Variants in SNX29 observed in about 807,000 individuals in gnomAD.
SNX29 encodes the protein sorting nexin-29.
In SNX29, 78 loss-of-function variants were observed where a neutral mutation model predicts 102.1. The observed-to-expected ratio is 0.76, with a 90% CI of 0.64 to 0.92. The LOEUF is 0.92. Among genes scored for constraint, SNX29 ranks in the 40% least tolerant of loss-of-function variants. The pLI is 0.00. For synonymous variants in SNX29, 580 were observed against 414.5 expected (o/e 1.40, Z -4.85); for missense variants, 1,280 against 1,061.7 (o/e 1.21, Z -2.86).
chr16:12,496,403 T>C (rs529158407), intron 19 of SNX29, among the ~76,000 whole-genome samples: 96 of 152,106 alleles, frequency 6.3e-4, no homozygotes, highest in African/African-American at 2.2e-3. Context: ...GCTTCCTCGT[T>C]GCAACCATTG....
chr16:12,284,259 C>T (rs1422455255), intron 15 of SNX29, among the ~76,000 whole-genome samples: 1 of 152,234 alleles, frequency 6.6e-6, no homozygotes, highest in African/African-American at 2.4e-5. Context: ...CCACTTACTG[C>T]CGTATGTTCC....
Position 12,027,059 on chromosome 16 carries a change from C to T in SNX29, c.123-261C>T, listed in dbSNP as rs146518393. ...GGCACCCGTCCCTGTTCCCATGTTC[C>T]TTGTGAATTGTTACTGTGCCAGTCT... is the stretch of plus-strand genomic sequence containing the variant. On this transcript the variant is annotated intron_variant, in intron 3 of 20. Coordinates refer to ENST00000566228, the MANE Select transcript of SNX29 (RefSeq NM_032167.5). 2.9e-3 allele frequency among the ~76,000 whole-genome samples: 445 copies of T among 152,296 alleles called. 2 individuals are homozygous for T. Among genetic ancestry groups the T allele is most frequent in the African/African-American group, 0.01 (423 of 41,554 alleles).
intron 16 of SNX29, among the ~76,000 whole-genome samples, chr16:12,396,453 A>T (rs2083725517): frequency 6.6e-6 from 1 of 152,094 alleles, no homozygotes; most frequent in Non-Finnish European, 1.5e-5. Context: ...TGGTGTCCTG[A>T]TGGCTTGTGA....
rs147159393 is a variant in SNX29, at chr16:12,328,358, A to G, written c.1783-27805A>G. ...TGAAAAGTGATGCATTTGTGGTTTC[A>G]TGTATCTTAGAAGTAAAGAAAATTC... On this transcript the variant is annotated intron_variant, in intron 15 of 20. Transcript: ENST00000566228. Among the ~76,000 whole-genome samples, 402 of 152,294 alleles carry G rather than the reference A, an allele frequency of 2.6e-3. 2 individuals carry two copies. The highest frequency in any genetic ancestry group is 9.1e-3 in the African/African-American group (377 of 41,558).
At chr16:12,446,297 C>T (rs1272267569) in intron 18 of SNX29, among the ~76,000 whole-genome samples, 1 of 152,158 alleles carries the variant, frequency 6.6e-6, no homozygotes, top group Non-Finnish European at 1.5e-5. Flanking sequence ...CTCAAGTGAT[C>T]CACCCGCCTT....
intron 15 of SNX29, among the ~76,000 whole-genome samples, chr16:12,312,453 C>T (rs977290273): frequency 6.6e-6 from 1 of 152,154 alleles, no homozygotes; most frequent in African/African-American, 2.4e-5. Context: ...TGAGAAAACC[C>T]TGTTCGTCTG....
At chr16:12,170,788 T>TGAGAGC (rs2076132089) in intron 13 of SNX29, among the ~76,000 whole-genome samples, 1 of 147,086 alleles carries the variant, frequency 6.8e-6, no homozygotes, top group African/African-American at 2.6e-5. Flanking sequence ...TGTGTGAGAG[T>TGAGAGC]GAGAGCACGT....
At chr16:12,396,799 A>T (rs1567521006) in intron 16 of SNX29, among the ~76,000 whole-genome samples, 1 of 152,208 alleles carries the variant, frequency 6.6e-6, no homozygotes, top group African/African-American at 2.4e-5. Flanking sequence ...TAGTAATGTG[A>T]TACACACTTA....
intron 4 of SNX29, among the ~76,000 whole-genome samples, chr16:12,041,775 T>G (rs2049888742): frequency 6.6e-6 from 1 of 152,204 alleles, no homozygotes; most frequent in African/African-American, 2.4e-5. Flanking sequence ...CCTCCCAATT[T>G]CCAGATCCTA....
At chr16:12,248,985 T>G (rs1173223349) in intron 14 of SNX29, among the ~76,000 whole-genome samples, 1 of 152,162 alleles carries the variant, frequency 6.6e-6, no homozygotes, top group Non-Finnish European at 1.5e-5. Flanking sequence ...GGAAGTGCGG[T>G]GCTGGGTCCA....
At chr16:12,261,693 G>C (rs1187423693) in intron 14 of SNX29, among the ~76,000 whole-genome samples, 2 of 114,784 alleles carry the variant, frequency 1.7e-5, no homozygotes, top group Non-Finnish European at 1.7e-5. Context: ...GTGAGTGTTT[G>C]CTGAGCTCGG....
intron 20 of SNX29, among the ~76,000 whole-genome samples, chr16:12,554,246 A>ATCG (rs2078179445): frequency 2.0e-5 from 3 of 152,242 alleles, no homozygotes. Context: ...CCTCGGCTGC[A>ATCG]TCGTCTCTGC....
chr16:12,438,699 C>T (rs1204454394), intron 18 of SNX29, among the ~76,000 whole-genome samples: 1 of 152,206 alleles, frequency 6.6e-6, no homozygotes. Context: ...TGACCATAAT[C>T]ATGAATGAAC....
chr16:12,331,666 C>G (rs1232400202), intron 15 of SNX29, among the ~76,000 whole-genome samples: 1 of 152,112 alleles, frequency 6.6e-6, no homozygotes, highest in Admixed American at 6.6e-5. Context: ...AATCTCCTGC[C>G]TCAGTCTCTG....
chr16:12,020,644 GA>G (rs1248098451), intron 3 of SNX29, among the ~76,000 whole-genome samples: 1 of 144,912 alleles, frequency 6.9e-6, no homozygotes, highest in Non-Finnish European at 1.5e-5. Flanking sequence ...TTTTTTTTGA[GA>G]TGGAGTCTCG....
At position 12,512,812 on chromosome 16, in the gene SNX29, C is replaced by T. The variant is rs368969045; in HGVS notation, c.2179-11890C>T. On this transcript the variant is annotated intron_variant, in intron 19 of 20. Transcript: ENST00000566228. ...GTCTGCTTAGATGGAGAACTGAATC[C>T]GATCCCATGGACTCAATCAATGCCT... Among the ~76,000 whole-genome samples, 10 of 152,276 alleles carry T rather than the reference C, an allele frequency of 6.6e-5. 1 individual carries two copies. The South Asian group carries it at 8.3e-4, about 13-fold the overall frequency.
chr16:12,394,455 C>G (rs2083647642), intron 16 of SNX29, among the ~76,000 whole-genome samples: 1 of 152,190 alleles, frequency 6.6e-6, no homozygotes, highest in African/African-American at 2.4e-5. Flanking sequence ...GATTATATGT[C>G]TCTGTATGTG....
intron 20 of SNX29, among the ~76,000 whole-genome samples, chr16:12,544,934 G>A (rs936259338): frequency 1.3e-5 from 2 of 152,174 alleles, no homozygotes; most frequent in South Asian, 4.1e-4. Flanking sequence ...ATCATCCCTT[G>A]TTCACTGTAT....
intron 15 of SNX29, among the ~76,000 whole-genome samples, chr16:12,301,210 C>T (rs1422529011): frequency 6.6e-6 from 1 of 152,200 alleles, no homozygotes; most frequent in African/African-American, 2.4e-5. Context: ...GTGTTGCTAC[C>T]ACAAATCTAA....
Sources: allele counts gnomAD v4.1 joint callset (sites outside exome capture counted in the v4.1 genomes callset), GRCh38; gene constraint gnomAD v4.1.1; transcripts MANE v1.5; gene names NCBI Gene and HGNC (gene_info 2026-07-23, HGNC 2026-07-21).